Variants in F13A1 observed in about 807,000 individuals in gnomAD.
The protein encoded by F13A1 is FSF, A subunit.
A neutral mutation model predicts 80.1 loss-of-function variants in F13A1; 47 were observed. The observed-to-expected ratio is 0.59, with a 90% CI of 0.46 to 0.75. F13A1 has a LOEUF of 0.75. F13A1 is among the 30% of genes least tolerant of loss of function. The pLI is 0.00. For missense variants in F13A1, 817 were observed against 930.4 expected, an observed-to-expected ratio of 0.88 and a Z score of 1.59; for synonymous variants, 349 against 344.9, an observed-to-expected ratio of 1.01 and a Z score of -0.13.
rs1242278947 is a variant in F13A1 at position 6,243,783 on chromosome 6, T to C, written c.798+4529A>G. On this transcript the variant is annotated intron_variant, in intron 6 of 14. Coordinates refer to ENST00000264870, the MANE Select transcript of F13A1 (RefSeq NM_000129.4). This position sits in a 1 kb window ranked among gnomAD's most constrained non-coding sequence, Gnocchi z 4.2. ...TTGCACACGCTGGTTCAGCATGTGTTTCGACACAGATCCTCCACTGGTAAT... is the reference window on the plus strand; with the variant it reads ...TTGCACACGCTGGTTCAGCATGTGTCTCGACACAGATCCTCCACTGGTAAT... Among the ~76,000 whole-genome samples the C allele has an allele frequency of 6.6e-6, 1 of 152,196 alleles. No homozygotes were observed. The highest frequency in any genetic ancestry group is 1.5e-5 in the Non-Finnish European group (1 of 68,028).
intron 10 of F13A1, among the ~76,000 whole-genome samples, chr6:6,182,355 G>T (rs986843493): frequency 6.6e-6 from 1 of 152,162 alleles, no homozygotes; most frequent in Non-Finnish European, 1.5e-5. Context: ...AAGATTATTT[G>T]AGGCTGAGAT....
At chr6:6,148,961 A>G (rs1310261694) in intron 14 of F13A1, among the ~76,000 whole-genome samples, 1 of 151,584 alleles carries the variant, frequency 6.6e-6, no homozygotes, top group Non-Finnish European at 1.5e-5. Context: ...GGAAAGACAA[A>G]TACTACATGA....
At chr6:6,261,242 C>T (rs1757776552) in intron 4 of F13A1, among the ~76,000 whole-genome samples, 1 of 152,218 alleles carries the variant, frequency 6.6e-6, no homozygotes, top group Admixed American at 6.5e-5. Flanking sequence ...GCTGGGATTA[C>T]AGGCGTGAGC....
At chr6:6,292,879 T>C (rs1008872899) in intron 3 of F13A1, among the ~76,000 whole-genome samples, 2 of 152,114 alleles carry the variant, frequency 1.3e-5, no homozygotes, top group Non-Finnish European at 2.9e-5. Context: ...CTCTGCCCCA[T>C]CCCTCTCCTC....
At chr6:6,220,018 G>T (rs1757168826) in intron 8 of F13A1, among the ~76,000 whole-genome samples, 1 of 152,182 alleles carries the variant, frequency 6.6e-6, no homozygotes, top group African/African-American at 2.4e-5. Flanking sequence ...GCACAGAGAG[G>T]TTGTGCCTTG....
At chr6:6,165,227 A>G (rs1328885439) in intron 13 of F13A1, among the ~76,000 whole-genome samples, 2 of 152,162 alleles carry the variant, frequency 1.3e-5, no homozygotes, top group East Asian at 1.9e-4. Flanking sequence ...AGGAAACACA[A>G]AACAATATAA....
chr6:6,231,835 T>C (rs527673605), intron 6 of F13A1, among the ~76,000 whole-genome samples: 10 of 151,768 alleles, frequency 6.6e-5, no homozygotes, highest in Non-Finnish European at 1.3e-4. Flanking sequence ...CTAAGCATCA[T>C]ATATGAAAGA....
intron 3 of F13A1, among the ~76,000 whole-genome samples, chr6:6,298,526 C>T (rs1247106690): frequency 6.7e-6 from 1 of 149,472 alleles, no homozygotes; most frequent in Non-Finnish European, 1.5e-5. Flanking sequence ...CTCTTTTGAT[C>T]TTTGTTGGTT....
intron 10 of F13A1, among the ~76,000 whole-genome samples, chr6:6,193,434 G>A (rs181953432): frequency 3.5e-4 from 54 of 152,198 alleles, no homozygotes; most frequent in African/African-American, 1.0e-3. Context: ...GAGTCATATC[G>A]ACTCATATGA....
At chr6:6,318,474 A>C in intron 2 of F13A1, 61 bp downstream of exon 2, 2 of 1,553,800 alleles carry the variant, frequency 1.3e-6, no homozygotes, top group Admixed American at 4.1e-5. Context: ...TGCAGGGAAG[A>C]GGGGCCAGGG....
chr6:6,150,360 T>TC (rs528454224), intron 14 of F13A1, among the ~76,000 whole-genome samples: 3 of 151,740 alleles, frequency 2.0e-5, no homozygotes, highest in Non-Finnish European at 4.4e-5. Flanking sequence ...AATTTACTTA[T>TC]TTTTTTTTCC....
intron 3 of F13A1, among the ~76,000 whole-genome samples, chr6:6,281,776 G>A (rs979495218): frequency 2.6e-5 from 4 of 151,876 alleles, no homozygotes; most frequent in Non-Finnish European, 4.4e-5. Flanking sequence ...GGCAGATCAC[G>A]AGGTCAGGAG....
At chr6:6,176,510 CCAGAAGG>C (rs1760884938) in intron 11 of F13A1, among the ~76,000 whole-genome samples, 1 of 152,090 alleles carries the variant, frequency 6.6e-6, no homozygotes, top group Admixed American at 6.6e-5. Flanking sequence ...AGAAAAAATG[CCAGAAGG>C]CATTGCATAC....
intron 12 of F13A1, among the ~76,000 whole-genome samples, chr6:6,173,181 G>A (rs769973010): frequency 3.3e-5 from 5 of 152,012 alleles, no homozygotes; most frequent in Non-Finnish European, 5.9e-5. Flanking sequence ...CACCAAATAC[G>A]AACATCCTAG....
chr6:6,267,738 T>G (rs1175693017), intron 3 of F13A1, among the ~76,000 whole-genome samples: 1 of 139,742 alleles, frequency 7.2e-6, no homozygotes, highest in Non-Finnish European at 1.6e-5. Flanking sequence ...TAATGATAGA[T>G]TTAAAAAAAA....
At chr6:6,174,893 A>C in intron 11 of F13A1, 26 bp from the exon 12 acceptor site, 2 of 1,613,910 alleles carry the variant, frequency 1.2e-6, no homozygotes, top group Non-Finnish European at 8.5e-7. Flanking sequence ...AGATAATGAC[A>C]GGCAAAAATA....
intron 3 of F13A1, among the ~76,000 whole-genome samples, chr6:6,293,554 G>A (rs1397713635): frequency 6.6e-6 from 1 of 151,764 alleles, no homozygotes; most frequent in Admixed American, 6.6e-5. Flanking sequence ...TGCTCTGCCA[G>A]CAACTCATGA....
At chr6:6,206,139 T>C (rs1193881259) in intron 8 of F13A1, among the ~76,000 whole-genome samples, 2 of 152,182 alleles carry the variant, frequency 1.3e-5, no homozygotes, top group African/African-American at 4.8e-5. Context: ...TTCCAACCAA[T>C]AGACCCAGTA....
chr6:6,259,170 A>G (rs985251818), intron 4 of F13A1, among the ~76,000 whole-genome samples: 6 of 152,188 alleles, frequency 3.9e-5, no homozygotes, highest in African/African-American at 1.4e-4. Context: ...ACATACTATC[A>G]ATATTTGTGG....
Sources: gnomAD v4.1 joint callset for allele counts (sites outside exome capture counted in the v4.1 genomes callset) on GRCh38, gnomAD v4.1.1 for gene constraint, Gnocchi (gnomAD v3.1) non-coding constraint, MANE v1.5 for transcripts, NCBI Gene and HGNC (gene_info 2026-07-23, HGNC 2026-07-21) for gene names.